Variants in FOXN3 observed in about 807,000 individuals in gnomAD.
FOXN3 encodes forkhead box N3.
In FOXN3, 7 loss-of-function variants were observed where a neutral mutation model predicts 38.4. That is an observed-to-expected ratio of 0.18 (90% confidence interval 0.10 to 0.34). FOXN3 has a LOEUF of 0.34. Ranked by LOEUF, FOXN3 falls within the 10% of genes least tolerant of loss-of-function variation. The pLI is 1.00. For missense variants in FOXN3, 456 were observed against 613.4 expected, an observed-to-expected ratio of 0.74 and a Z score of 2.71; for synonymous variants, 230 against 242.2, an observed-to-expected ratio of 0.95 and a Z score of 0.47.
At chr14:89,250,338 T>A (rs1445229091) in intron 4 of FOXN3, among the ~76,000 whole-genome samples, 1 of 152,234 alleles carries the variant, frequency 6.6e-6, no homozygotes, top group African/African-American at 2.4e-5. Flanking sequence ...CTTGAACTCC[T>A]GAGCTCAAGC....
At chr14:89,409,552 C>A (rs970606135) in intron 2 of FOXN3, 1 of 152,232 alleles carries the variant, frequency 6.6e-6, no homozygotes, top group Non-Finnish European at 1.5e-5. Context: ...ATGTCAAACA[C>A]GAAGATTCAA....
intron 1 of FOXN3, among the ~76,000 whole-genome samples, chr14:89,551,636 A>C (rs1324502624): frequency 6.6e-6 from 1 of 152,148 alleles, no homozygotes; most frequent in Admixed American, 6.5e-5. Flanking sequence ...ACGAGTGTGT[A>C]GTCCCCTCGC....
intron 2 of FOXN3, among the ~76,000 whole-genome samples, chr14:89,385,499 TA>T (rs10681650): frequency 0.12 from 12,768 of 108,800 alleles, 872 homozygotes; most frequent in East Asian, 0.39. Context: ...GGCAAACATT[TA>T]AAAAAAAAAA....
intron 1 of FOXN3, among the ~76,000 whole-genome samples, chr14:89,567,292 C>T (rs746874953): frequency 6.6e-6 from 1 of 152,178 alleles, no homozygotes; most frequent in Non-Finnish European, 1.5e-5. Flanking sequence ...AGCAACAATT[C>T]TTTCTTGAGC....
intron 1 of FOXN3, among the ~76,000 whole-genome samples, chr14:89,587,862 T>C (rs1895873726): frequency 1.1e-5 from 1 of 93,574 alleles, no homozygotes; most frequent in African/African-American, 4.3e-5. Flanking sequence ...TAAGACTCTG[T>C]CTCAGAAAAA....
intron 4 of FOXN3, among the ~76,000 whole-genome samples, chr14:89,262,739 A>AT (rs3834528): frequency 0.26 from 39,240 of 151,692 alleles, 6,080 homozygotes; most frequent in Admixed American, 0.35. Flanking sequence ...AATGATGCTA[A>AT]TTTTTTTTTA....
rs377576571 is a variant in FOXN3, at chr14:89,162,978, C to T, written c.852-9G>A. ...AGCTGGTGATGCCATTCCTGCAGAG[C>T]GAGGACAGTGGGGAGGGACGGGAGA... On this transcript the variant is annotated splice_polypyrimidine_tract_variant and intron_variant, in intron 5 of 5. Coordinates refer to ENST00000557258, the MANE Select transcript of FOXN3 (RefSeq NM_005197.4). The surrounding 1 kb of genome is among the most constrained non-coding windows in gnomAD (Gnocchi z 7.2). The T allele has an allele frequency of 1.2e-5, 19 of 1,543,718 alleles. No homozygotes were observed. The highest frequency in any genetic ancestry group is 1.5e-5 in the Non-Finnish European group (17 of 1,142,318).
chr14:89,428,118 C>T (rs185478248), intron 1 of FOXN3, among the ~76,000 whole-genome samples: 3 of 152,246 alleles, frequency 2.0e-5, no homozygotes, highest in African/African-American at 2.4e-5. Flanking sequence ...CTTCTCTCTA[C>T]GAGAGTCTTT....
At chr14:89,235,905 T>C (rs1884966445) in intron 4 of FOXN3, among the ~76,000 whole-genome samples, 1 of 141,224 alleles carries the variant, frequency 7.1e-6, no homozygotes, top group East Asian at 1.9e-4. Context: ...TGTAAGATTA[T>C]AAATTTGTGT....
rs116570388 is a variant in FOXN3 at position 89,312,012 on chromosome 14, C to T, written c.681-30998G>A. On this transcript the variant is annotated intron_variant, in intron 3 of 5. Coordinates refer to ENST00000557258, the MANE Select transcript of FOXN3 (RefSeq NM_005197.4). ...AAAATGAGTGAAGGCCAGCCGGGCA[C>T]AGTGGCTCACACCTGTAATGCCAGC... 2.9e-3 allele frequency among the ~76,000 whole-genome samples: 440 copies of T among 152,164 alleles called. 5 individuals carry two copies. The highest frequency in any genetic ancestry group is 9.7e-3 in the African/African-American group (402 of 41,494).
chr14:89,216,237 A>C (rs1372157359), intron 4 of FOXN3, among the ~76,000 whole-genome samples: 1 of 152,174 alleles, frequency 6.6e-6, no homozygotes, highest in Non-Finnish European at 1.5e-5. Context: ...CAGCAATAAA[A>C]GGCTTTATGC....
chr14:89,500,260 G>A (rs1893768581), intron 1 of FOXN3, among the ~76,000 whole-genome samples: 2 of 152,148 alleles, frequency 1.3e-5, no homozygotes, highest in African/African-American at 4.8e-5. Context: ...CCTTCCATGA[G>A]CCACCGTTGT....
At chr14:89,591,432 G>A (rs565661185) in intron 1 of FOXN3, among the ~76,000 whole-genome samples, 11 of 152,222 alleles carry the variant, frequency 7.2e-5, no homozygotes, top group African/African-American at 1.9e-4. Context: ...GAAAACCTCC[G>A]GAGAGATACT....
chr14:89,326,781 T>C (rs934961736), intron 3 of FOXN3, among the ~76,000 whole-genome samples: 1 of 152,216 alleles, frequency 6.6e-6, no homozygotes, highest in Non-Finnish European at 1.5e-5. Context: ...CTTACCACTA[T>C]TCAATGCAAA....
intron 4 of FOXN3, among the ~76,000 whole-genome samples, chr14:89,278,969 C>G (rs1367541881): frequency 1.3e-5 from 2 of 152,044 alleles, no homozygotes; most frequent in African/African-American, 2.4e-5. Flanking sequence ...TAGCAACTTT[C>G]CCATGGCCCA....
intron 1 of FOXN3, among the ~76,000 whole-genome samples, chr14:89,614,649 T>C (rs1297345990): frequency 6.6e-6 from 1 of 152,250 alleles, no homozygotes; most frequent in Non-Finnish European, 1.5e-5. Flanking sequence ...GCAAACTGTG[T>C]ACACAGTGGT....
chr14:89,540,491 C>G (rs952858923), intron 1 of FOXN3, among the ~76,000 whole-genome samples: 1 of 152,106 alleles, frequency 6.6e-6, no homozygotes, highest in Admixed American at 6.6e-5. Context: ...TCCCAGCACT[C>G]TGGGAAGCCA....
At chr14:89,535,572 A>G (rs1387055623) in intron 1 of FOXN3, among the ~76,000 whole-genome samples, 3 of 152,190 alleles carry the variant, frequency 2.0e-5, no homozygotes, top group South Asian at 4.1e-4. Context: ...TTTACTAAAG[A>G]GGTGCTGTTA....
chr14:89,486,310 C>T (rs924450135), intron 1 of FOXN3, among the ~76,000 whole-genome samples: 2 of 152,150 alleles, frequency 1.3e-5, no homozygotes, highest in South Asian at 2.1e-4. Context: ...TGTATTTCTA[C>T]GACTCACACC....
Sources: gnomAD v4.1 joint callset for allele counts (sites outside exome capture counted in the v4.1 genomes callset) on GRCh38, gnomAD v4.1.1 for gene constraint, Gnocchi (gnomAD v3.1) non-coding constraint, MANE v1.5 for transcripts, NCBI Gene and HGNC (gene_info 2026-07-23, HGNC 2026-07-21) for gene names.